CCDC148: variants seen among roughly 807,000 people sequenced by gnomAD.
CCDC148 encodes coiled-coil domain-containing protein 148.
In CCDC148, 89 loss-of-function variants were observed where a neutral mutation model predicts 85.7. The observed-to-expected ratio is 1.04, with a 90% CI of 0.87 to 1.24. The LOEUF is 1.24. CCDC148 is among the 50% of genes most tolerant of loss of function. The pLI is 0.00. For missense variants in CCDC148, 692 were observed against 671.7 expected (o/e 1.03, Z -0.33); for synonymous variants, 230 against 213.9 (o/e 1.08, Z -0.66).
At chr2:158,278,627 C>G (rs1224080364) in intron 9 of CCDC148, among the ~76,000 whole-genome samples, 1 of 152,250 alleles carries the variant, frequency 6.6e-6, no homozygotes, top group African/African-American at 2.4e-5. Flanking sequence ...AGCCTCAAAG[C>G]TACAACTGGG....
chr2:158,410,168 C>T (rs1396095719), intron 1 of CCDC148, among the ~76,000 whole-genome samples: 1 of 152,168 alleles, frequency 6.6e-6, no homozygotes, highest in East Asian at 1.9e-4. Context: ...TTTAAGTTAG[C>T]CACCCCTGCT....
At chr2:158,366,959 C>A (rs1392453066) in intron 1 of CCDC148, among the ~76,000 whole-genome samples, 1 of 152,154 alleles carries the variant, frequency 6.6e-6, no homozygotes, top group Non-Finnish European at 1.5e-5. Context: ...TAGTTAAGGT[C>A]CATGACTTTT....
At chr2:158,369,097 C>T (rs779544022) in intron 1 of CCDC148, among the ~76,000 whole-genome samples, 11 of 151,806 alleles carry the variant, frequency 7.2e-5, no homozygotes, top group Non-Finnish European at 1.5e-4. Flanking sequence ...TTCTGCCAGG[C>T]GAAATGATGT....
At chr2:158,421,683 A>AGT (rs1559134053) in intron 1 of CCDC148, among the ~76,000 whole-genome samples, 2 of 152,334 alleles carry the variant, frequency 1.3e-5, no homozygotes, top group African/African-American at 4.8e-5. Flanking sequence ...AAAGAACTCA[A>AGT]GAAGCAAGAG....
chr2:158,456,283 G>A lies in CCDC148; in HGVS notation c.25+132C>T, dbSNP rs898832763. On this transcript the variant is annotated intron_variant, in intron 1 of 13. Coordinates refer to ENST00000283233, the MANE Select transcript of CCDC148 (RefSeq NM_138803.4). ...CTTTCAGAAGAGTTATGAGTTTGAG[G>A]ACCCAAAACGTTGAGGAAAGATCCA... is the stretch of plus-strand genomic sequence containing the variant. The A allele has an allele frequency of 4.3e-5, 38 of 875,866 alleles. No homozygotes were observed. The African/African-American group carries it at 4.7e-4, about 11-fold the overall frequency. The allele number at this position is 875,866 out of a possible 1,614,324, so 54.3% of individuals were successfully genotyped here.
At chr2:158,213,860 C>T (rs370450247) in intron 11 of CCDC148, among the ~76,000 whole-genome samples, 8 of 152,234 alleles carry the variant, frequency 5.3e-5, no homozygotes, top group Admixed American at 2.6e-4. Context: ...GAACTCTACA[C>T]TGCAGTGACC....
At chr2:158,280,026 A>G (rs527889590) in intron 9 of CCDC148, among the ~76,000 whole-genome samples, 1 of 151,848 alleles carries the variant, frequency 6.6e-6, no homozygotes, top group East Asian at 1.9e-4. Flanking sequence ...CAGCCAAACT[A>G]AGCTTCATAA....
At chr2:158,183,907 G>A (rs1271513884) in intron 11 of CCDC148, among the ~76,000 whole-genome samples, 2 of 152,030 alleles carry the variant, frequency 1.3e-5, no homozygotes, top group Non-Finnish European at 2.9e-5. Flanking sequence ...CTAAGCAGAG[G>A]GGACCCCTTC....
At chr2:158,262,088 A>G (rs1394338474) in intron 9 of CCDC148, among the ~76,000 whole-genome samples, 1 of 152,144 alleles carries the variant, frequency 6.6e-6, no homozygotes, top group East Asian at 1.9e-4. Context: ...ACTATTCACA[A>G]TAGCAAAGAT....
At chr2:158,399,096 T>C (rs1045727406) in intron 1 of CCDC148, among the ~76,000 whole-genome samples, 2 of 152,172 alleles carry the variant, frequency 1.3e-5, no homozygotes, top group Non-Finnish European at 2.9e-5. Flanking sequence ...AATCTCTGAA[T>C]AGACCAATAA....
intron 9 of CCDC148, among the ~76,000 whole-genome samples, chr2:158,269,868 C>G (rs1689625199): frequency 6.6e-6 from 1 of 152,094 alleles, no homozygotes; most frequent in South Asian, 2.1e-4. Context: ...AGGTGCTATC[C>G]CTGCTAAGTC....
chr2:158,413,317 G>A (rs577954323), intron 1 of CCDC148, among the ~76,000 whole-genome samples: 5 of 152,136 alleles, frequency 3.3e-5, no homozygotes, highest in African/African-American at 1.2e-4. Flanking sequence ...TCACCCCAGA[G>A]AGATTATTTA....
chr2:158,351,948 A>AC (rs1385090426), intron 2 of CCDC148, among the ~76,000 whole-genome samples: 8 of 144,568 alleles, frequency 5.5e-5, no homozygotes, highest in Non-Finnish European at 6.0e-5. Context: ...ACTGGGAGGC[A>AC]CCCCCCAGCA....
chr2:158,399,897 T>C (rs1202013369), intron 1 of CCDC148, among the ~76,000 whole-genome samples: 1 of 152,104 alleles, frequency 6.6e-6, no homozygotes, highest in African/African-American at 2.4e-5. Flanking sequence ...CAAGCATTCC[T>C]ATACACAACA....
chr2:158,318,688 C>T (rs1201413765), intron 7 of CCDC148, among the ~76,000 whole-genome samples: 5 of 151,770 alleles, frequency 3.3e-5, no homozygotes, highest in Admixed American at 1.3e-4. Context: ...CCTCTTAAAC[C>T]ACTCTTTGTC....
At chr2:158,371,716 A>G (rs1684449995) in intron 1 of CCDC148, among the ~76,000 whole-genome samples, 1 of 130,444 alleles carries the variant, frequency 7.7e-6, no homozygotes. Context: ...TGAAAATGGC[A>G]TGTATACATA....
intron 10 of CCDC148, among the ~76,000 whole-genome samples, chr2:158,227,876 C>G (rs1409255818): frequency 2.6e-5 from 4 of 152,084 alleles, no homozygotes; most frequent in South Asian, 2.1e-4. Context: ...CTAGGCAATA[C>G]CATTCAGGAC....
At chr2:158,314,541 C>T (rs1176557359) in intron 7 of CCDC148, among the ~76,000 whole-genome samples, 6 of 152,196 alleles carry the variant, frequency 3.9e-5, no homozygotes, top group Admixed American at 1.3e-4. Context: ...ATATCCACTA[C>T]GCTCCAAAAG....
chr2:158,443,117 C>T (rs369335452), intron 1 of CCDC148, among the ~76,000 whole-genome samples: 4 of 151,084 alleles, frequency 2.6e-5, no homozygotes, highest in East Asian at 1.9e-4. Context: ...GAGTTAGGGA[C>T]AGGAAGGCAA....
Sources: gnomAD v4.1 joint callset for allele counts (sites outside exome capture counted in the v4.1 genomes callset) on GRCh38, gnomAD v4.1.1 for gene constraint, MANE v1.5 for transcripts, NCBI Gene and HGNC (gene_info 2026-07-23, HGNC 2026-07-21) for gene names.